The following RAI2 variants were observed in gnomAD, a reference collection of about 807,000 sequenced individuals.
The protein encoded by RAI2 is retinoic acid-induced protein 2.
RAI2 carries 5 observed loss-of-function variants against 15.3 expected under a neutral mutation model. The observed-to-expected ratio is 0.33, with a 90% CI of 0.17 to 0.69. The LOEUF is 0.69. Among genes scored for constraint, RAI2 ranks in the 30% least tolerant of loss-of-function variants. The probability of loss-of-function intolerance (pLI) is 0.69; values close to 1 mark genes in which losing one functional copy is unlikely to be tolerated. For synonymous variants in RAI2, 191 were observed against 184.0 expected, an observed-to-expected ratio of 1.04 and a Z score of -0.31; for missense variants, 424 against 424.7, an observed-to-expected ratio of 1.00 and a Z score of 0.01.
rs1242711747 is a variant in RAI2 at position 17,815,243 on chromosome X, C to T, written c.-24-13209G>A. 5.4e-5 allele frequency among the ~76,000 whole-genome samples: 6 copies of T among 110,630 alleles called. No individual in the cohort carries two copies. The East Asian group carries it at 1.7e-3, about 32-fold the overall frequency. On this transcript the variant is annotated intron_variant, in intron 1 of 1. Transcript: ENST00000451717. Reference sequence around the variant, plus strand: ...ATAACATCTGGCTAGTTAGCAATAACGATTATAGGTATTATTTCCTATTTT... The same window carrying T: ...ATAACATCTGGCTAGTTAGCAATAATGATTATAGGTATTATTTCCTATTTT...
At chrX:17,825,257 G>A (rs1023760512) in intron 1 of RAI2, among the ~76,000 whole-genome samples, 1 of 113,071 alleles carries the variant, frequency 8.8e-6, no homozygotes, top group Admixed American at 9.3e-5. Flanking sequence ...TTAAGCTTGT[G>A]CTAAACAGAT....
chrX:17,807,663 A>C (rs1375292983), intron 1 of RAI2, among the ~76,000 whole-genome samples: 1 of 112,053 alleles, frequency 8.9e-6, no homozygotes, highest in Non-Finnish European at 1.9e-5. Context: ...CGCAGGTGCC[A>C]TGGTGGGAGA....
chrX:17,830,235 GTCC>G (rs1256085438), intron 1 of RAI2, among the ~76,000 whole-genome samples: 10 of 112,339 alleles, frequency 8.9e-5, no homozygotes, highest in African/African-American at 2.9e-4. Flanking sequence ...CACACAGTAG[GTCC>G]TCAACAGCTA....
intron 1 of RAI2, among the ~76,000 whole-genome samples, chrX:17,833,111 T>C (rs1256916434): frequency 8.9e-6 from 1 of 112,328 alleles, no homozygotes; most frequent in Non-Finnish European, 1.9e-5. Flanking sequence ...TAATGGAATA[T>C]TACAGAGCAA....
intron 1 of RAI2, among the ~76,000 whole-genome samples, chrX:17,848,502 A>C (rs1208762156): frequency 1.8e-5 from 2 of 110,424 alleles, no homozygotes; most frequent in African/African-American, 6.6e-5. Flanking sequence ...AAAAAAAAAA[A>C]AAAACAAGAA....
chrX:17,827,224 G>C (rs922629424), intron 1 of RAI2, among the ~76,000 whole-genome samples: 25 of 111,795 alleles, frequency 2.2e-4, no homozygotes, highest in Admixed American at 1.9e-3. Context: ...TTAGTGCAGA[G>C]AGGGAGGGAG....
At chrX:17,826,744 C>T (rs1447994691) in intron 1 of RAI2, among the ~76,000 whole-genome samples, 3 of 111,406 alleles carry the variant, frequency 2.7e-5, no homozygotes, top group Non-Finnish European at 5.7e-5. Flanking sequence ...GGCTGGTTTC[C>T]GTGATAGTGA....
intron 1 of RAI2, among the ~76,000 whole-genome samples, chrX:17,824,104 G>A (rs1282935513): frequency 2.7e-5 from 3 of 112,791 alleles, no homozygotes; most frequent in Non-Finnish European, 3.7e-5. Flanking sequence ...ATGAACGAAC[G>A]AAGAAACAAA....
At chrX:17,850,227 A>C (rs1428456265) in intron 1 of RAI2, among the ~76,000 whole-genome samples, 1 of 112,262 alleles carries the variant, frequency 8.9e-6, no homozygotes, top group African/African-American at 3.2e-5. Context: ...CTTTAGCAGG[A>C]GGAAGCTGAT....
chrX:17,816,046 T>C (rs571247058), intron 1 of RAI2, among the ~76,000 whole-genome samples: 1 of 106,939 alleles, frequency 9.4e-6, no homozygotes, highest in East Asian at 2.9e-4. Context: ...TTCTTTTTCT[T>C]TCTCTCTCTC....
At chrX:17,851,747 G>A (rs1601938290) in intron 1 of RAI2, among the ~76,000 whole-genome samples, 2 of 111,617 alleles carry the variant, frequency 1.8e-5, no homozygotes, top group Non-Finnish European at 3.8e-5. Flanking sequence ...CCGGAGTCTC[G>A]AAAGATAGTG....
intron 1 of RAI2, among the ~76,000 whole-genome samples, chrX:17,859,532 T>C (rs944591261): frequency 8.9e-6 from 1 of 112,752 alleles, no homozygotes; most frequent in Non-Finnish European, 1.9e-5. Flanking sequence ...GCCATGAGAA[T>C]ACGCGGTTAT....
At chrX:17,857,473 C>T (rs1489673959) in intron 1 of RAI2, among the ~76,000 whole-genome samples, 1 of 111,980 alleles carries the variant, frequency 8.9e-6, no homozygotes, top group Non-Finnish European at 1.9e-5. Flanking sequence ...AAATACCTCA[C>T]CCAGCCTTTG....
At position 17,801,179 on chromosome X, in the gene RAI2, C is replaced by G. The variant is rs1362628949; in HGVS notation, c.832G>C (p.Gly278Arg). 1.7e-6 allele frequency: 2 copies of G among 1,209,034 alleles called. No individual in the cohort carries two copies. Among genetic ancestry groups the G allele is most frequent in the Admixed American group, 4.4e-5 (2 of 45,694 alleles). ...TCTTTTTCCAGAGGGGTCTGGGTGCCTTTAAAGGGGTGCAGGCCGAAGGAA... is the reference window on the plus strand; with the variant it reads ...TCTTTTTCCAGAGGGGTCTGGGTGCGTTTAAAGGGGTGCAGGCCGAAGGAA... ...PSSFGLHPFK[G>R]TQTPLEKDEL... The change falls in exon 2 of 2, where the codon GGC becomes CGC. Residue 278 changes from glycine (G) to arginine (R), a missense_variant. Transcript: ENST00000451717.
intron 1 of RAI2, among the ~76,000 whole-genome samples, chrX:17,840,824 C>T (rs2067388345): frequency 8.9e-6 from 1 of 112,005 alleles, no homozygotes. Flanking sequence ...GTGCACACAT[C>T]CTTTCTACTC....
chrX:17,857,292 C>CAT (rs1459757298), intron 1 of RAI2, among the ~76,000 whole-genome samples: 1 of 111,565 alleles, frequency 9.0e-6, no homozygotes, highest in Non-Finnish European at 1.9e-5. Context: ...GCTCCTCATA[C>CAT]ATAGATTCAA....
intron 1 of RAI2, among the ~76,000 whole-genome samples, chrX:17,817,197 G>A (rs2067118458): frequency 1.8e-5 from 2 of 111,377 alleles, no homozygotes; most frequent in South Asian, 7.6e-4. Context: ...GACCCACCCT[G>A]TGCACAGTGC....
At chrX:17,840,484 T>C (rs1009350711) in intron 1 of RAI2, among the ~76,000 whole-genome samples, 6 of 110,539 alleles carry the variant, frequency 5.4e-5, no homozygotes, top group African/African-American at 1.3e-4. Flanking sequence ...TCCAGGCACA[T>C]AAAAGGCCTT....
At position 17,800,211 on chromosome X, in the gene RAI2, G is replaced by A; in HGVS notation, c.*207C>T. The stretch of plus-strand genomic sequence containing the variant: ...AATGTGCAATCTGCTTGAAAAATAG[G>A]TTGCTCTTATTTACTCATTTGTGAA... On this transcript the variant is annotated 3_prime_UTR_variant, in exon 2 of 2. Coordinates refer to ENST00000451717, the MANE Select transcript of RAI2 (RefSeq NM_021785.6). The A allele has an allele frequency of 4.7e-6, 2 of 422,596 alleles. No individual in the cohort carries two copies. The highest frequency in any genetic ancestry group is 5.1e-5 in the Admixed American group (1 of 19,560). The allele number at this position is 422,596 out of a possible 1,213,427, so 34.8% of individuals were successfully genotyped here. A position where few individuals can be genotyped will look rare whatever the true frequency, so the allele number is the denominator to read the frequency against.
Sources: allele counts gnomAD v4.1 joint callset (sites outside exome capture counted in the v4.1 genomes callset), GRCh38; gene constraint gnomAD v4.1.1; transcripts MANE v1.5; gene names NCBI Gene and HGNC (gene_info 2026-07-23, HGNC 2026-07-21).